The following ZFHX3 variants were observed in gnomAD, a reference collection of about 807,000 sequenced individuals.
The protein encoded by ZFHX3 is zinc finger homeobox protein 3.
ZFHX3 carries 42 observed loss-of-function variants against 279.1 expected under a neutral mutation model. The ratio of observed to expected loss-of-function variants is 0.15; its 90% CI spans 0.12 to 0.19. ZFHX3 has a LOEUF of 0.19. Ranked by LOEUF, ZFHX3 falls within the 10% of genes least tolerant of loss-of-function variation. The pLI is 1.00. For synonymous variants in ZFHX3, 2,293 were observed against 1,957.8 expected, an observed-to-expected ratio of 1.17 and a Z score of -4.52; for missense variants, 4,981 against 4,754.0, an observed-to-expected ratio of 1.05 and a Z score of -1.40.
Position 72,982,604 on chromosome 16 carries a change from C to A in ZFHX3, c.-49-22410G>T, listed in dbSNP as rs139345477. Among the ~76,000 whole-genome samples the A allele has an allele frequency of 2.1e-4, 32 of 152,310 alleles. No individual in the cohort carries two copies. In the East Asian group the frequency reaches 5.0e-3, roughly 24 times the overall value. On this transcript the variant is annotated intron_variant, in intron 1 of 9. Transcript: ENST00000268489. ...CAGTGGAGTAGAGTTATACACACCA[C>A]CAAATATTGAGTTGCTCCACACAGA...
chr16:73,832,243 T>A (rs1028991457), intron 1 of ZFHX3, among the ~76,000 whole-genome samples: 3 of 151,996 alleles, frequency 2.0e-5, no homozygotes, highest in South Asian at 4.2e-4. Flanking sequence ...AGCCATTGGT[T>A]TTTGACCCAG....
chr16:73,501,971 A>T (rs2019246866), intron 2 of ZFHX3, among the ~76,000 whole-genome samples: 1 of 152,168 alleles, frequency 6.6e-6, no homozygotes, highest in Admixed American at 6.5e-5. Context: ...TTTTTAAAAC[A>T]AAGCTATTTG....
chr16:73,888,313 C>A (rs1005964305), intron 1 of ZFHX3, among the ~76,000 whole-genome samples: 7 of 151,840 alleles, frequency 4.6e-5, no homozygotes, highest in Non-Finnish European at 7.4e-5. Flanking sequence ...CTTCCCCCCA[C>A]GGAAACATAA....
At chr16:73,288,449 A>AT (rs2014685212) in intron 4 of ZFHX3, among the ~76,000 whole-genome samples, 1 of 152,128 alleles carries the variant, frequency 6.6e-6, no homozygotes, top group Non-Finnish European at 1.5e-5. Context: ...GATTGCACAG[A>AT]CCTGCCCCTG....
In ZFHX3 at chr16:73,162,925, G is replaced by A. The variant is rs1245325552; in HGVS notation, c.-1103-19094C>T. Among the ~76,000 whole-genome samples, 7 of 152,316 alleles carry A rather than the reference G, an allele frequency of 4.6e-5. No homozygotes were observed. The South Asian group carries it at 1.2e-3, about 27-fold the overall frequency. ...ATTCTAACTACGTCCTCAGAAAAGA[G>A]TCAGGCTACCCATGCTGCTGGTCTT... On this transcript the variant is annotated intron_variant, in intron 5 of 17. Transcript: ENST00000641206.
At chr16:73,149,630 T>C (rs2144844275) in intron 5 of ZFHX3, among the ~76,000 whole-genome samples, 1 of 152,340 alleles carries the variant, frequency 6.6e-6, no homozygotes, top group South Asian at 2.1e-4. Context: ...GTGACACCAC[T>C]GCTCAAAACA....
intron 1 of ZFHX3, among the ~76,000 whole-genome samples, chr16:73,787,977 T>C (rs1959704301): frequency 6.6e-6 from 1 of 151,934 alleles, no homozygotes; most frequent in Non-Finnish European, 1.5e-5. Context: ...TGAAGAGAGT[T>C]TAACAAAGGG....
At chr16:73,683,573 C>T (rs1456658619) in intron 1 of ZFHX3, among the ~76,000 whole-genome samples, 1 of 152,068 alleles carries the variant, frequency 6.6e-6, no homozygotes, top group Non-Finnish European at 1.5e-5. Context: ...CAGAGTTTCT[C>T]TCTTGTTGCC....
intron 1 of ZFHX3, among the ~76,000 whole-genome samples, chr16:73,021,690 G>T (rs1243101267): frequency 2.6e-5 from 4 of 151,988 alleles, no homozygotes; most frequent in Non-Finnish European, 5.9e-5. Context: ...AATTAGCCAG[G>T]TGTGGTGGCG....
chr16:73,299,947 G>A (rs2015013302), intron 4 of ZFHX3, among the ~76,000 whole-genome samples: 1 of 152,132 alleles, frequency 6.6e-6, no homozygotes, highest in Non-Finnish European at 1.5e-5. Context: ...AATGATTTGT[G>A]TTCTCATCTG....
intron 3 of ZFHX3, among the ~76,000 whole-genome samples, chr16:72,940,749 G>A (rs890255209): frequency 2.6e-5 from 4 of 152,244 alleles, no homozygotes; most frequent in African/African-American, 9.6e-5. Context: ...ATGCTTTGGA[G>A]GCTCTCATCC....
intron 2 of ZFHX3, among the ~76,000 whole-genome samples, chr16:73,516,177 A>C (rs184411265): frequency 6.6e-6 from 1 of 152,208 alleles, no homozygotes; most frequent in Non-Finnish European, 1.5e-5. Context: ...GCTAACGCTA[A>C]GTATAATCAC....
chr16:73,054,541 C>T (rs1055963235), intron 1 of ZFHX3, among the ~76,000 whole-genome samples: 2 of 141,960 alleles, frequency 1.4e-5, no homozygotes, highest in Non-Finnish European at 3.0e-5. Flanking sequence ...AGTTTGAATT[C>T]TAGCTTTTCT....
chr16:73,695,240 T>TG (rs764158383), intron 1 of ZFHX3, among the ~76,000 whole-genome samples: 1 of 79,326 alleles, frequency 1.3e-5, no homozygotes, highest in Non-Finnish European at 3.0e-5. Context: ...CAGTTTTTTT[T>TG]TGTTTTTTTT....
At chr16:73,434,395 G>C (rs2017961942) in intron 3 of ZFHX3, among the ~76,000 whole-genome samples, 1 of 152,186 alleles carries the variant, frequency 6.6e-6, no homozygotes, top group African/African-American at 2.4e-5. Context: ...ATCTCATTAA[G>C]TTTATCTACT....
At chr16:73,410,784 T>A (rs561285662) in intron 3 of ZFHX3, among the ~76,000 whole-genome samples, 1 of 152,180 alleles carries the variant, frequency 6.6e-6, no homozygotes, top group South Asian at 2.1e-4. Context: ...ATCACAGCTT[T>A]TACTATCTAC....
intron 3 of ZFHX3, among the ~76,000 whole-genome samples, chr16:73,319,591 T>C (rs552347057): frequency 6.6e-6 from 1 of 151,952 alleles, no homozygotes; most frequent in East Asian, 1.9e-4. Context: ...ATGCCACCAA[T>C]ACGTGTGATC....
At chr16:72,988,781 A>G (rs980750325) in intron 1 of ZFHX3, among the ~76,000 whole-genome samples, 5 of 152,268 alleles carry the variant, frequency 3.3e-5, no homozygotes, top group Admixed American at 6.5e-5. Context: ...TTTAAATTGC[A>G]AAATCATCAT....
At chr16:73,311,944 T>C (rs2015338574) in intron 4 of ZFHX3, among the ~76,000 whole-genome samples, 1 of 152,142 alleles carries the variant, frequency 6.6e-6, no homozygotes, top group South Asian at 2.1e-4. Context: ...CTGATGAGGT[T>C]GCTGAAAGAG....
Sources: allele counts gnomAD v4.1 joint callset (sites outside exome capture counted in the v4.1 genomes callset), GRCh38; gene constraint gnomAD v4.1.1; transcripts MANE v1.5; gene names NCBI Gene and HGNC (gene_info 2026-07-23, HGNC 2026-07-21).